Variants in WDR19 observed in about 807,000 individuals in gnomAD.
WDR19 encodes the protein WD repeat-containing protein 19.
Under a neutral mutation model 180.0 loss-of-function variants are expected in WDR19, and 121 were observed. The observed-to-expected ratio is 0.67, with a 90% CI of 0.58 to 0.78. The LOEUF (loss-of-function observed/expected upper bound fraction) is 0.78, where lower values mean the gene tolerates loss of function less well. Ranked by LOEUF, WDR19 falls within the 30% of genes least tolerant of loss-of-function variation. WDR19 has a pLI of 0.00. For missense variants in WDR19, 1,450 were observed against 1,640.7 expected, an observed-to-expected ratio of 0.88 and a Z score of 2.01; for synonymous variants, 497 against 540.7, an observed-to-expected ratio of 0.92 and a Z score of 1.12.
intron 28 of WDR19, 63 bp downstream of exon 28, chr4:39,257,617 A>T (rs1335181189): frequency 3.4e-6 from 5 of 1,465,628 alleles, no homozygotes; most frequent in Non-Finnish European, 9.3e-7. Flanking sequence ...CTTGAAAAAA[A>T]TTTTAAATAT....
At chr4:39,268,965 C>T (rs1462035747) in intron 30 of WDR19, among the ~76,000 whole-genome samples, 7 of 152,102 alleles carry the variant, frequency 4.6e-5, no homozygotes, top group Admixed American at 4.6e-4. Context: ...CGAGAGAAGG[C>T]AATGAAAGCT....
Position 39,228,692 on chromosome 4 carries a change from T to C in WDR19, c.1982+2T>C, listed in dbSNP as rs780847651. The C allele has an allele frequency of 2.6e-6, 4 of 1,566,062 alleles. No individual in the cohort carries two copies. In the East Asian group the frequency reaches 9.0e-5, roughly 35 times the overall value. On this transcript the variant is annotated splice_donor_variant, in intron 17 of 36. Coordinates refer to ENST00000399820, the MANE Select transcript of WDR19 (RefSeq NM_025132.4). LOFTEE classifies it high-confidence loss of function. ...GGCACAGAATTTAATGCTAAAGAGG[T>C]AGGCTTTCACACACTTCTTTTGGAA...
chr4:39,266,200 T>C, intron 29 of WDR19, 60 bp downstream of exon 29: 1 of 1,414,780 alleles, frequency 7.1e-7, no homozygotes, highest in Non-Finnish European at 9.5e-7. Context: ...TGATTCTGCC[T>C]GTTTTTACCC....
chr4:39,195,928 TTTAAA>T (rs1309089905), intron 5 of WDR19, among the ~76,000 whole-genome samples: 1 of 152,250 alleles, frequency 6.6e-6, no homozygotes, highest in African/African-American at 2.4e-5. Context: ...AAATATCAAC[TTTAAA>T]TTAGTTTGTC....
intron 4 of WDR19, among the ~76,000 whole-genome samples, chr4:39,193,587 T>C (rs1016931365): frequency 6.6e-6 from 1 of 152,236 alleles, no homozygotes; most frequent in African/African-American, 2.4e-5. Flanking sequence ...CAAACTCAAC[T>C]TGTATCAAAT....
At position 39,234,822 on chromosome 4, in the gene WDR19, C is replaced by A; in HGVS notation, c.2310C>A (p.Ala770=). The part of the protein sequence containing the change: ...DSALQLAKHL[A]PDQIPFISKE... ...CTCTACAACTGGCAAAGCATTTGGC[C>A]CCAGACCAGATACCTTTTATATCAA... The change falls in exon 20 of 37, where the codon GCC becomes GCA. Residue 770 remains alanine (A), a synonymous_variant. Coordinates refer to ENST00000399820, the MANE Select transcript of WDR19 (RefSeq NM_025132.4). 2 of 1,583,410 alleles carry A rather than the reference C, an allele frequency of 1.3e-6. No homozygotes were observed. The highest frequency in any genetic ancestry group is 2.3e-5 in the East Asian group (1 of 43,724).
intron 20 of WDR19, among the ~76,000 whole-genome samples, chr4:39,239,078 G>A (rs559003337): frequency 3.0e-4 from 45 of 152,206 alleles, no homozygotes; most frequent in African/African-American, 1.1e-3. Context: ...CCGGGTTCAA[G>A]CAATTCTCCT....
chr4:39,252,919 T>C (rs1218996748), intron 24 of WDR19, among the ~76,000 whole-genome samples: 1 of 152,206 alleles, frequency 6.6e-6, no homozygotes, highest in African/African-American at 2.4e-5. Context: ...TTGATTCAGA[T>C]GGGAAAATAC....
chr4:39,216,338 TA>T (rs1222682911), intron 12 of WDR19, 128 bp downstream of exon 12: 15 of 788,616 alleles, frequency 1.9e-5, no homozygotes, highest in Non-Finnish European at 2.5e-5. Flanking sequence ...ATTCTTAGCT[TA>T]AATGGTTTTG....
chr4:39,203,605 G>A (rs1398137978), intron 6 of WDR19, 37 bp from the exon 7 acceptor site: 3 of 1,504,596 alleles, frequency 2.0e-6, no homozygotes. Flanking sequence ...TTTAAATATT[G>A]GGTTTGTTCA....
At chr4:39,232,047 CTT>C (rs1730922223) in intron 18 of WDR19, 91 bp downstream of exon 18, 4 of 1,534,006 alleles carry the variant, frequency 2.6e-6, no homozygotes, top group Non-Finnish European at 3.6e-6. Flanking sequence ...AATCTTACCT[CTT>C]AAACAAGTGA....
At chr4:39,272,826 T>C (rs991154446) in intron 31 of WDR19, among the ~76,000 whole-genome samples, 154 bp from the exon 32 acceptor site, 4 of 152,142 alleles carry the variant, frequency 2.6e-5, no homozygotes, top group Non-Finnish European at 4.4e-5. Flanking sequence ...GAGAAAAAAG[T>C]GGAGGGATCT....
intron 5 of WDR19, among the ~76,000 whole-genome samples, chr4:39,196,685 G>C (rs944013798): frequency 2.0e-4 from 31 of 152,200 alleles, no homozygotes; most frequent in Non-Finnish European, 2.9e-5. Flanking sequence ...CCAGAGGCCA[G>C]AATGAGCCCT....
chr4:39,269,460 C>A (rs1235011199), intron 30 of WDR19, among the ~76,000 whole-genome samples: 1 of 152,172 alleles, frequency 6.6e-6, no homozygotes, highest in Admixed American at 6.5e-5. Context: ...ACTTCAGGGC[C>A]AGGGGGGTGC....
At chr4:39,184,020 A>G (rs1389078893) in intron 1 of WDR19, among the ~76,000 whole-genome samples, 1 of 152,196 alleles carries the variant, frequency 6.6e-6, no homozygotes, top group Non-Finnish European at 1.5e-5. Flanking sequence ...TTCTTTCTTC[A>G]TGAGTTTCTT....
intron 28 of WDR19, among the ~76,000 whole-genome samples, chr4:39,259,503 T>C (rs182880850): frequency 1.3e-5 from 2 of 152,232 alleles, no homozygotes; most frequent in African/African-American, 2.4e-5. Context: ...CCATATAATA[T>C]GTGGCCTTTT....
intron 21 of WDR19, among the ~76,000 whole-genome samples, chr4:39,240,952 T>A: frequency 8.9e-6 from 1 of 112,258 alleles, no homozygotes; most frequent in South Asian, 3.7e-4. Context: ...CGAGACTCCA[T>A]CTCAAAAAAA....
intron 28 of WDR19, among the ~76,000 whole-genome samples, chr4:39,265,578 C>T (rs896471984): frequency 4.6e-5 from 7 of 151,676 alleles, no homozygotes; most frequent in African/African-American, 1.7e-4. Context: ...TCGAGACCAT[C>T]GTGGCCAACA....
chr4:39,183,261 T>TTTTTTTTTTTTTTTTTTTTTTTTTTTTC (rs1725152437), intron 1 of WDR19, among the ~76,000 whole-genome samples: 1 of 137,058 alleles, frequency 7.3e-6, no homozygotes, highest in African/African-American at 2.7e-5. Context: ...TTTTTTTTTT[T>TTTTTTTTTTTTTTTTTTTTTTTTTTTTC]TTTTTTTTTA....
Sources: allele counts gnomAD v4.1 joint callset (sites outside exome capture counted in the v4.1 genomes callset), GRCh38; gene constraint gnomAD v4.1.1; transcripts MANE v1.5; gene names NCBI Gene and HGNC (gene_info 2026-07-23, HGNC 2026-07-21).